CDYL: variants seen among roughly 807,000 people sequenced by gnomAD.
CDYL encodes the protein chromodomain Y like.
CDYL carries 8 observed loss-of-function variants against 47.3 expected under a neutral mutation model. That is an observed-to-expected ratio of 0.17 (90% confidence interval 0.10 to 0.31). The LOEUF (loss-of-function observed/expected upper bound fraction) is 0.31, where lower values mean the gene tolerates loss of function less well. CDYL is among the 10% of genes least tolerant of loss of function. CDYL has a pLI of 1.00. For missense variants in CDYL, 471 were observed against 701.4 expected (o/e 0.67, Z 3.71); for synonymous variants, 266 against 265.0 (o/e 1.00, Z -0.04).
intron 2 of CDYL, among the ~76,000 whole-genome samples, chr6:4,932,984 C>T (rs1358414488): frequency 1.3e-5 from 2 of 152,206 alleles, no homozygotes; most frequent in African/African-American, 4.8e-5. Flanking sequence ...TCATTTCTCC[C>T]TGCGTCGCCT....
At chr6:4,707,604 T>C (rs899323247) in intron 1 of CDYL, among the ~76,000 whole-genome samples, 7 of 152,180 alleles carry the variant, frequency 4.6e-5, no homozygotes, top group Non-Finnish European at 8.8e-5. Flanking sequence ...TTGTATGACC[T>C]CCAGCCATCC....
chr6:4,738,452 CAAAT>C (rs1470328794), intron 3 of CDYL, among the ~76,000 whole-genome samples: 1 of 152,192 alleles, frequency 6.6e-6, no homozygotes, highest in Non-Finnish European at 1.5e-5. Flanking sequence ...CATGTAAATG[CAAAT>C]AAATCCACAT....
At chr6:4,842,543 A>G (rs1040970726) in intron 1 of CDYL, among the ~76,000 whole-genome samples, 1 of 151,850 alleles carries the variant, frequency 6.6e-6, no homozygotes, top group Non-Finnish European at 1.5e-5. Context: ...TTCTTTATCT[A>G]CTGTTGCTTT....
chr6:4,771,625 G>C (rs916583059), upstream of CDYL, among the ~76,000 whole-genome samples: 11 of 152,124 alleles, frequency 7.2e-5, no homozygotes, highest in African/African-American at 2.4e-4. Context: ...GATAATTCTG[G>C]GTTCCCCCAC....
At chr6:4,813,824 A>G (rs1759594323) in intron 1 of CDYL, among the ~76,000 whole-genome samples, 1 of 152,004 alleles carries the variant, frequency 6.6e-6, no homozygotes, top group Admixed American at 6.6e-5. Context: ...CCAGGCTGGA[A>G]GTGCTGTGGT....
chr6:4,905,248 G>T lies in CDYL; in HGVS notation c.691+12869G>T, dbSNP rs184614883. 3.7e-3 allele frequency among the ~76,000 whole-genome samples: 560 copies of T among 152,212 alleles called. 1 individual carries two copies. Among genetic ancestry groups the T allele is most frequent in the Non-Finnish European group, 6.4e-3 (433 of 68,016 alleles). On this transcript the variant is annotated intron_variant, in intron 2 of 6. Coordinates refer to ENST00000397588, the MANE Select transcript of CDYL (RefSeq NM_004824.4). ...CTTCAACCCTCTCCAGCCTGAATAG[G>T]AATGTTAAACCCACTCAGGAATTCT...
At chr6:4,785,698 T>C (rs1758737342) in intron 1 of CDYL, among the ~76,000 whole-genome samples, 1 of 152,198 alleles carries the variant, frequency 6.6e-6, no homozygotes, top group Admixed American at 6.5e-5. Flanking sequence ...CACCACCCCA[T>C]GCACACTGGA....
chr6:4,916,441 ACT>A (rs1157498621), intron 2 of CDYL, among the ~76,000 whole-genome samples: 2 of 152,214 alleles, frequency 1.3e-5, no homozygotes, highest in African/African-American at 2.4e-5. Flanking sequence ...GAGATGAGAA[ACT>A]CTCGACTGAA....
At chr6:4,770,150 TC>T (rs368262317) in intron 3 of CDYL, among the ~76,000 whole-genome samples, 3 of 152,192 alleles carry the variant, frequency 2.0e-5, no homozygotes, top group African/African-American at 7.2e-5. Flanking sequence ...ATTTTTTTTT[TC>T]CTGACAACTT....
At chr6:4,749,139 A>G (rs73717723) in intron 3 of CDYL, among the ~76,000 whole-genome samples, 2,680 of 152,254 alleles carry the variant, frequency 0.018, 59 homozygotes, top group African/African-American at 0.045. Flanking sequence ...AACTGGGGGG[A>G]AAAAGTCTGT....
intron 1 of CDYL, among the ~76,000 whole-genome samples, chr6:4,851,989 C>T (rs1382561368): frequency 6.6e-6 from 1 of 151,954 alleles, no homozygotes; most frequent in Non-Finnish European, 1.5e-5. Flanking sequence ...TTTGAAGTAA[C>T]CAGGCCAGTT....
chr6:4,905,900 A>T (rs2127497012), intron 2 of CDYL, among the ~76,000 whole-genome samples: 1 of 152,346 alleles, frequency 6.6e-6, no homozygotes, highest in South Asian at 2.1e-4. Flanking sequence ...CACCCACATA[A>T]ACATACATTT....
At chr6:4,844,359 C>G (rs1222973028) in intron 1 of CDYL, among the ~76,000 whole-genome samples, 3 of 152,088 alleles carry the variant, frequency 2.0e-5, no homozygotes, top group Non-Finnish European at 4.4e-5. Flanking sequence ...CTAGAGCTCC[C>G]GGGAGATTAT....
chr6:4,848,321 T>C (rs947896921), intron 1 of CDYL, among the ~76,000 whole-genome samples: 1 of 152,204 alleles, frequency 6.6e-6, no homozygotes, highest in Non-Finnish European at 1.5e-5. Context: ...GGTGCTTTTT[T>C]TCCAGTGGCA....
At chr6:4,775,599 T>G (rs1758416459), upstream of CDYL, among the ~76,000 whole-genome samples, 1 of 151,604 alleles carries the variant, frequency 6.6e-6, no homozygotes, top group South Asian at 2.1e-4. This position sits in a 1 kb window ranked among gnomAD's most constrained non-coding sequence, Gnocchi z 7.0. Context: ...TGGGGGGAGC[T>G]GCGGGCAGAG....
chr6:4,758,433 G>GGT (rs935293517), intron 3 of CDYL, among the ~76,000 whole-genome samples: 2 of 150,922 alleles, frequency 1.3e-5, no homozygotes, highest in Non-Finnish European at 2.9e-5. Context: ...GGCAGAGACG[G>GGT]GTGGATCACT....
chr6:4,733,260 G>T (rs1757641632), intron 2 of CDYL: 1 of 152,216 alleles, frequency 6.6e-6, no homozygotes, highest in Non-Finnish European at 1.5e-5. Context: ...TAGGCATGCA[G>T]TGACAATCCA....
chr6:4,758,296 G>T (rs1353673836), intron 3 of CDYL, among the ~76,000 whole-genome samples: 1 of 150,254 alleles, frequency 6.7e-6, no homozygotes, highest in Non-Finnish European at 1.5e-5. Context: ...CTAAGATTAC[G>T]CCACTGCACT....
chr6:4,918,105 G>C (rs531695956), intron 2 of CDYL, among the ~76,000 whole-genome samples: 35 of 152,284 alleles, frequency 2.3e-4, no homozygotes, highest in Middle Eastern at 6.8e-3. Context: ...GAAAACAATA[G>C]TTGCAAAAGC....
Sources: allele counts gnomAD v4.1 joint callset (sites outside exome capture counted in the v4.1 genomes callset), GRCh38; gene constraint gnomAD v4.1.1; non-coding constraint Gnocchi (gnomAD v3.1); transcripts MANE v1.5; gene names NCBI Gene and HGNC (gene_info 2026-07-23, HGNC 2026-07-21).